DOCK1: variants seen among roughly 807,000 people sequenced by gnomAD.
DOCK1 encodes dedicator of cytokinesis protein 1.
A neutral mutation model predicts 262.7 loss-of-function variants in DOCK1; 138 were observed. That is an observed-to-expected ratio of 0.53 (90% CI 0.46 to 0.61). The LOEUF (loss-of-function observed/expected upper bound fraction) is 0.61, where lower values mean the gene tolerates loss of function less well. Ranked by LOEUF, DOCK1 falls within the 20% of genes least tolerant of loss-of-function variation. The probability of loss-of-function intolerance (pLI) is 0.00; values close to 1 mark genes in which losing one functional copy is unlikely to be tolerated. For synonymous variants in DOCK1, 866 were observed against 867.4 expected (o/e 1.00, Z 0.03); for missense variants, 1,908 against 2,370.7 (o/e 0.80, Z 4.05).
intron 1 of DOCK1, among the ~76,000 whole-genome samples, chr10:126,932,465 T>C (rs1186471511): frequency 1.3e-5 from 2 of 152,130 alleles, no homozygotes; most frequent in Non-Finnish European, 2.9e-5. Flanking sequence ...TCTCGAAAAG[T>C]AAAATTAGCA....
chr10:127,024,577 T>G, intron 14 of DOCK1, 108 bp from the exon 15 acceptor site: 1 of 862,514 alleles, frequency 1.2e-6, no homozygotes, highest in Non-Finnish European at 1.8e-6. Flanking sequence ...GGTGGGGGTG[T>G]GTTGGTGTTC....
chr10:126,947,482 A>ATGG (rs1351810037), intron 1 of DOCK1, among the ~76,000 whole-genome samples: 1 of 7,412 alleles, frequency 1.3e-4, no homozygotes, highest in Non-Finnish European at 3.6e-4. Flanking sequence ...GTTGGTGGTG[A>ATGG]TGGTGGTGGT....
chr10:127,195,972 G>C (rs1465389882), intron 27 of DOCK1: 1 of 152,290 alleles, frequency 6.6e-6, no homozygotes, highest in Non-Finnish European at 1.5e-5. Context: ...GGGCGCGGGA[G>C]GAGGGCACGC....
chr10:127,337,576 G>T (rs1470301777), intron 29 of DOCK1, among the ~76,000 whole-genome samples: 1 of 152,200 alleles, frequency 6.6e-6, no homozygotes, highest in Non-Finnish European at 1.5e-5. Context: ...CCCTGCGGCT[G>T]AGGAATGTTG....
intron 1 of DOCK1, among the ~76,000 whole-genome samples, chr10:126,924,222 C>T (rs1285498684): frequency 1.3e-3 from 179 of 134,144 alleles, no homozygotes; most frequent in African/African-American, 4.8e-3. Flanking sequence ...GCAGGGGGAA[C>T]TGAATGCTGG....
chr10:127,287,206 CTT>C (rs35427861), intron 29 of DOCK1, among the ~76,000 whole-genome samples: 2 of 142,974 alleles, frequency 1.4e-5, no homozygotes, highest in Non-Finnish European at 1.5e-5. Context: ...TGCGCCTGGC[CTT>C]TTTTTTTTTT....
rs924301674 is a variant in DOCK1, at chr10:127,100,627, C to T, written c.2446-5604C>T. ...CCTTGTGGGATATGTGGAGGGACCC[C>T]GAGGAACCCACAGGCAAGGGGCTGG... On this transcript the variant is annotated intron_variant, in intron 23 of 51. Transcript: ENST00000623213. This position sits in a 1 kb window ranked among gnomAD's most constrained non-coding sequence, Gnocchi z 5.5. 6.6e-6 allele frequency among the ~76,000 whole-genome samples: 1 copy of T among 151,944 alleles called. No individual in the cohort carries two copies. The highest frequency in any genetic ancestry group is 6.6e-5 in the Admixed American group (1 of 15,256).
chr10:127,364,664 C>A (rs1427592952), intron 33 of DOCK1, among the ~76,000 whole-genome samples: 1 of 152,298 alleles, frequency 6.6e-6, no homozygotes, highest in African/African-American at 2.4e-5. Context: ...GTGCCCAGCC[C>A]TAGGCAGTTT....
rs181688928 is a variant in DOCK1 at position 127,138,093 on chromosome 10, G to A, written c.2847+10329G>A. ...TGAAGATCCCTCTTAGTGTCAGCAAGATTTGGGCATGATCAGTGTGTGTTT... is the reference window on the plus strand; with the variant it reads ...TGAAGATCCCTCTTAGTGTCAGCAAAATTTGGGCATGATCAGTGTGTGTTT... On this transcript the variant is annotated intron_variant, in intron 27 of 51. Coordinates refer to ENST00000623213, the MANE Select transcript of DOCK1 (RefSeq NM_001290223.2). 1.6e-5 allele frequency: 21 copies of A among 1,336,166 alleles called. No homozygotes were observed. In the African/African-American group the frequency reaches 2.9e-4, roughly 19 times the overall value. 82.8% of individuals were successfully genotyped at this position (1,336,166 alleles called of 1,614,324 possible).
chr10:127,273,275 A>G (rs1428152118), intron 29 of DOCK1, among the ~76,000 whole-genome samples: 1 of 152,144 alleles, frequency 6.6e-6, no homozygotes, highest in East Asian at 1.9e-4. Flanking sequence ...CCACTTTGGT[A>G]TTGCTTTGAG....
chr10:127,105,644 A>G, intron 23 of DOCK1, among the ~76,000 whole-genome samples: 1 of 152,188 alleles, frequency 6.6e-6, no homozygotes, highest in Non-Finnish European at 1.5e-5. Context: ...CTTAGCACAC[A>G]GTATAGGCAC....
chr10:127,376,641 T>G (rs980909159), intron 35 of DOCK1, among the ~76,000 whole-genome samples: 3 of 152,216 alleles, frequency 2.0e-5, no homozygotes, highest in African/African-American at 7.2e-5. Context: ...GGGAAAGAAA[T>G]GGAGAACTTT....
intron 37 of DOCK1, among the ~76,000 whole-genome samples, chr10:127,384,178 G>A (rs538676975): frequency 6.6e-6 from 1 of 152,286 alleles, no homozygotes; most frequent in East Asian, 1.9e-4. Flanking sequence ...GAGCTGACAC[G>A]TTGTATCTGT....
chr10:127,432,688 T>G (rs1203023773), intron 47 of DOCK1, among the ~76,000 whole-genome samples: 18 of 152,192 alleles, frequency 1.2e-4, no homozygotes, highest in Admixed American at 1.2e-3. Flanking sequence ...TTGTTTGTTT[T>G]TGGCACAATG....
intron 27 of DOCK1, among the ~76,000 whole-genome samples, chr10:127,201,861 A>G (rs1404540630): frequency 6.6e-6 from 1 of 152,108 alleles, no homozygotes; most frequent in Non-Finnish European, 1.5e-5. Flanking sequence ...GTTTCTTACT[A>G]TCCCATTCTC....
At chr10:127,079,148 A>G (rs542809861) in intron 23 of DOCK1, among the ~76,000 whole-genome samples, 1 of 152,316 alleles carries the variant, frequency 6.6e-6, no homozygotes, top group African/African-American at 2.4e-5. Flanking sequence ...TTTGCACCAG[A>G]TTAAAGAACA....
intron 28 of DOCK1, among the ~76,000 whole-genome samples, chr10:127,252,413 G>A (rs1420677938): frequency 6.8e-6 from 1 of 146,734 alleles, no homozygotes; most frequent in Non-Finnish European, 1.5e-5. Context: ...TGTCAATTTT[G>A]GCTTTTGTTG....
chr10:126,946,371 A>T (rs1468149878), intron 1 of DOCK1, among the ~76,000 whole-genome samples: 1 of 151,802 alleles, frequency 6.6e-6, no homozygotes, highest in Non-Finnish European at 1.5e-5. Flanking sequence ...ACATGGTGAA[A>T]CCCCATTTCT....
intron 1 of DOCK1, among the ~76,000 whole-genome samples, chr10:126,934,470 A>G (rs1217064257): frequency 6.6e-6 from 1 of 151,390 alleles, no homozygotes; most frequent in Non-Finnish European, 1.5e-5. Flanking sequence ...TCATAATCGT[A>G]ACACTTGGTC....
Sources: gnomAD v4.1 joint callset for allele counts (sites outside exome capture counted in the v4.1 genomes callset) on GRCh38, gnomAD v4.1.1 for gene constraint, Gnocchi (gnomAD v3.1) non-coding constraint, MANE v1.5 for transcripts, NCBI Gene and HGNC (gene_info 2026-07-23, HGNC 2026-07-21) for gene names.